The following CSRNP3 variants were observed in gnomAD, a reference collection of about 807,000 sequenced individuals.
CSRNP3 encodes the protein cysteine and serine rich nuclear protein 3.
A neutral mutation model predicts 48.0 loss-of-function variants in CSRNP3; 12 were observed. The observed-to-expected ratio is 0.25, with a 90% confidence interval of 0.16 to 0.41. CSRNP3 has a LOEUF of 0.41. CSRNP3 is among the 10% of genes least tolerant of loss of function. The pLI, the probability that CSRNP3 is intolerant of heterozygous loss-of-function variation, is 1.00. For synonymous variants in CSRNP3, 263 were observed against 269.7 expected (o/e 0.98, Z 0.24); for missense variants, 580 against 724.4 (o/e 0.80, Z 2.29).
At chr2:165,652,011 G>C (rs1034852236) in intron 4 of CSRNP3, among the ~76,000 whole-genome samples, 1 of 152,234 alleles carries the variant, frequency 6.6e-6, no homozygotes, top group South Asian at 2.1e-4. Context: ...ATCAGTAACT[G>C]TGTGTTTATT....
At chr2:165,535,451 G>A (rs1352805438) in intron 3 of CSRNP3, among the ~76,000 whole-genome samples, 2 of 151,712 alleles carry the variant, frequency 1.3e-5, no homozygotes, top group Non-Finnish European at 2.9e-5. Context: ...TAGGCAGTGG[G>A]TTACAAATAA....
chr2:165,508,543 G>A (rs761863136), intron 2 of CSRNP3, among the ~76,000 whole-genome samples: 3 of 151,678 alleles, frequency 2.0e-5, no homozygotes, highest in Non-Finnish European at 4.4e-5. Flanking sequence ...TTGCCCCTGC[G>A]AGTAACTCTT....
chr2:165,556,781 A>G (rs1330525255), intron 3 of CSRNP3, among the ~76,000 whole-genome samples: 1 of 152,192 alleles, frequency 6.6e-6, no homozygotes, highest in Non-Finnish European at 1.5e-5. Context: ...ACAGAAAATG[A>G]GGGTGGAACA....
rs1687562064 is a variant in CSRNP3 at position 165,682,383 on chromosome 2, C to G, written c.*2630C>G. On this transcript the variant is annotated 3_prime_UTR_variant, in exon 7 of 7. Coordinates refer to ENST00000651982, the MANE Select transcript of CSRNP3 (RefSeq NM_001172173.2). Reference sequence around the variant, plus strand: ...ATACCTGACTAACCTGTAAACATATCCCACAAACCACATACACAGGCTACC... The same window carrying G: ...ATACCTGACTAACCTGTAAACATATGCCACAAACCACATACACAGGCTACC... 1 of 152,010 alleles carries G rather than the reference C, an allele frequency of 6.6e-6. No individual in the cohort carries two copies. The highest frequency in any genetic ancestry group is 2.1e-4 in the South Asian group (1 of 4,824). The allele number at this position is 152,010 out of a possible 1,614,324, so 9.4% of individuals were successfully genotyped here. A position where few individuals can be genotyped will look rare whatever the true frequency, so the allele number is the denominator to read the frequency against.
intron 2 of CSRNP3, among the ~76,000 whole-genome samples, chr2:165,500,412 T>TATATGTATAC (rs781236626): frequency 8.3e-6 from 1 of 120,956 alleles, no homozygotes; most frequent in Admixed American, 8.3e-5. Flanking sequence ...TATGTATACA[T>TATATGTATAC]ATATATATAC....
Position 165,559,586 on chromosome 2 carries a change from A to G in CSRNP3, c.-23-35457A>G, listed in dbSNP as rs956143782. On this transcript the variant is annotated intron_variant, in intron 3 of 6. Coordinates refer to ENST00000651982, the MANE Select transcript of CSRNP3 (RefSeq NM_001172173.2). ...GTCATTCACAAGTAAAAGAAAAGGG[A>G]TGTGTAATGAAACTAATAGTGGTGC... is the stretch of plus-strand genomic sequence containing the variant. Among the ~76,000 whole-genome samples, 8 of 152,110 alleles carry G rather than the reference A, an allele frequency of 5.3e-5. No individual in the cohort carries two copies. In the East Asian group the frequency reaches 7.7e-4, roughly 15 times the overall value.
intron 4 of CSRNP3, among the ~76,000 whole-genome samples, chr2:165,652,875 C>T (rs770401847): frequency 1.3e-5 from 2 of 152,156 alleles, no homozygotes; most frequent in South Asian, 2.1e-4. Context: ...AGAGCTCTCA[C>T]GAAAGGCACA....
chr2:165,630,990 C>T (rs189606250), intron 4 of CSRNP3, among the ~76,000 whole-genome samples: 7 of 152,210 alleles, frequency 4.6e-5, no homozygotes, highest in African/African-American at 2.4e-5. Flanking sequence ...ATTTGTATAG[C>T]TTTTTCATTA....
rs1687476108 is a variant in CSRNP3 at position 165,678,957 on chromosome 2, C to T, written c.962C>T (p.Thr321Ile). The T allele has an allele frequency of 9.3e-6, 15 of 1,613,852 alleles. No homozygotes were observed. Among genetic ancestry groups the T allele is most frequent in the African/African-American group, 1.3e-5 (1 of 74,888 alleles). Residue 321 changes from threonine (T) to isoleucine (I), a missense_variant, in exon 7 of 7, where the codon ACT becomes ATT. Transcript: ENST00000651982. ...ATCGCAGACAGTTTTGAGATTGAAACTGAGCCCCAGGCTGCAGTGCTGCAC... is the reference window on the plus strand; with the variant it reads ...ATCGCAGACAGTTTTGAGATTGAAATTGAGCCCCAGGCTGCAGTGCTGCAC... ...YSIADSFEIETEPQAAVLHLQ... is the reference protein window; with the variant it reads ...YSIADSFEIEIEPQAAVLHLQ...
chr2:165,592,545 T>A (rs1295684139), intron 3 of CSRNP3, among the ~76,000 whole-genome samples: 1 of 152,106 alleles, frequency 6.6e-6, no homozygotes, highest in Non-Finnish European at 1.5e-5. Flanking sequence ...GTAGTTCCCA[T>A]AATCCCCACA....
chr2:165,665,122 G>A (rs1687157160), intron 5 of CSRNP3, among the ~76,000 whole-genome samples: 1 of 152,090 alleles, frequency 6.6e-6, no homozygotes, highest in Admixed American at 6.6e-5. Flanking sequence ...ACAAAACAGG[G>A]CCAAGTTTAG....
chr2:165,568,376 A>G (rs1685324267), intron 3 of CSRNP3, among the ~76,000 whole-genome samples: 1 of 152,112 alleles, frequency 6.6e-6, no homozygotes, highest in African/African-American at 2.4e-5. Context: ...CAAAGTCTCA[A>G]TACATGCCTA....
intron 4 of CSRNP3, among the ~76,000 whole-genome samples, chr2:165,624,961 CTG>C (rs1188118224): frequency 6.6e-6 from 1 of 152,204 alleles, no homozygotes; most frequent in Admixed American, 6.5e-5. Context: ...CCCAGTCTGA[CTG>C]TGAAGCCGGC....
chr2:165,657,600 A>G (rs1687026183), intron 4 of CSRNP3, among the ~76,000 whole-genome samples, 161 bp from the exon 5 acceptor site: 1 of 152,176 alleles, frequency 6.6e-6, no homozygotes, highest in South Asian at 2.1e-4. Context: ...TAAGAAAGAA[A>G]ATTAGAACTC....
intron 1 of CSRNP3, among the ~76,000 whole-genome samples, chr2:165,483,160 A>G (rs1250183895): frequency 6.6e-6 from 1 of 151,958 alleles, no homozygotes; most frequent in Non-Finnish European, 1.5e-5. Flanking sequence ...CAGGGCATTC[A>G]GGTGCCCTTT....
At chr2:165,535,945 A>G (rs984547533) in intron 3 of CSRNP3, among the ~76,000 whole-genome samples, 1 of 151,874 alleles carries the variant, frequency 6.6e-6, no homozygotes, top group Non-Finnish European at 1.5e-5. Flanking sequence ...TCTGTTTCCC[A>G]CGAAACAATG....
At chr2:165,580,358 C>T (rs1424748187) in intron 3 of CSRNP3, among the ~76,000 whole-genome samples, 1 of 152,068 alleles carries the variant, frequency 6.6e-6, no homozygotes, top group Non-Finnish European at 1.5e-5. Context: ...TATTTTTTTA[C>T]TAATTGCTGC....
At chr2:165,519,332 G>A (rs777178972) in intron 3 of CSRNP3, among the ~76,000 whole-genome samples, 10 of 151,678 alleles carry the variant, frequency 6.6e-5, no homozygotes, top group Non-Finnish European at 1.3e-4. Flanking sequence ...GAATTAAATC[G>A]TCTCCCCAAT....
chr2:165,630,150 T>C (rs1558955990), intron 4 of CSRNP3, among the ~76,000 whole-genome samples: 1 of 152,164 alleles, frequency 6.6e-6, no homozygotes, highest in Non-Finnish European at 1.5e-5. Context: ...ATTCTTTGAT[T>C]TTTGAAGACG....
Sources: allele counts gnomAD v4.1 joint callset (sites outside exome capture counted in the v4.1 genomes callset), GRCh38; gene constraint gnomAD v4.1.1; transcripts MANE v1.5; gene names NCBI Gene and HGNC (gene_info 2026-07-23, HGNC 2026-07-21).